Variants in PATJ observed in about 807,000 individuals in gnomAD.
The protein encoded by PATJ is inaD-like protein.
In PATJ, 190 loss-of-function variants were observed where a neutral mutation model predicts 224.9. That is an observed-to-expected ratio of 0.84 (90% CI 0.75 to 0.95). The LOEUF (loss-of-function observed/expected upper bound fraction) is 0.95, where lower values mean the gene tolerates loss of function less well. Among genes scored for constraint, PATJ ranks in the 40% least tolerant of loss-of-function variants. The pLI, the probability that PATJ is intolerant of heterozygous loss-of-function variation, is 0.00. For synonymous variants in PATJ, 769 were observed against 820.3 expected (o/e 0.94, Z 1.07); for missense variants, 2,121 against 2,270.3 (o/e 0.93, Z 1.34).
intron 1 of PATJ, among the ~76,000 whole-genome samples, chr1:61,755,476 CT>C (rs1223461725): frequency 1.3e-5 from 2 of 152,028 alleles, no homozygotes; most frequent in East Asian, 1.9e-4. Flanking sequence ...CACATTTTTA[CT>C]GATGGGAATG....
chr1:62,104,014 A>G (rs1310816811), intron 33 of PATJ, among the ~76,000 whole-genome samples: 7 of 152,020 alleles, frequency 4.6e-5, no homozygotes, highest in Non-Finnish European at 1.0e-4. Context: ...CCACCTGCAG[A>G]GTGGGTTGAT....
chr1:61,979,415 G>T (rs1249601012), intron 27 of PATJ, among the ~76,000 whole-genome samples: 1 of 152,046 alleles, frequency 6.6e-6, no homozygotes, highest in Non-Finnish European at 1.5e-5. Context: ...AGCACTTTGG[G>T]AGGCCAAGGT....
intron 26 of PATJ, among the ~76,000 whole-genome samples, chr1:61,921,110 T>C (rs1674269032): frequency 6.6e-6 from 1 of 152,180 alleles, no homozygotes; most frequent in African/African-American, 2.4e-5. Context: ...TATTTTGGTT[T>C]GTTTATTTTT....
chr1:62,035,882 A>G (rs1485815943), intron 29 of PATJ, among the ~76,000 whole-genome samples: 2 of 152,162 alleles, frequency 1.3e-5, no homozygotes, highest in African/African-American at 4.8e-5. Context: ...AATGACGTTT[A>G]TGATGAGCTG....
At chr1:61,905,207 G>A (rs1671698214) in intron 24 of PATJ, among the ~76,000 whole-genome samples, 1 of 152,254 alleles carries the variant, frequency 6.6e-6, no homozygotes, top group Admixed American at 6.5e-5. Flanking sequence ...TTCAGTGTCT[G>A]GTGTGGACCT....
At chr1:61,855,687 T>C (rs1163099708) in intron 17 of PATJ, among the ~76,000 whole-genome samples, 1 of 152,204 alleles carries the variant, frequency 6.6e-6, no homozygotes, top group African/African-American at 2.4e-5. Context: ...GTGCTGGGAT[T>C]ACAGGCATGA....
intron 32 of PATJ, among the ~76,000 whole-genome samples, chr1:62,080,190 C>T (rs369365633): frequency 1.3e-5 from 2 of 152,180 alleles, no homozygotes; most frequent in African/African-American, 4.8e-5. Flanking sequence ...GCAAATGTTG[C>T]TTTAAGCTGT....
chr1:61,921,698 T>A (rs1432033087), intron 26 of PATJ, among the ~76,000 whole-genome samples: 1 of 151,982 alleles, frequency 6.6e-6, no homozygotes, highest in African/African-American at 2.4e-5. Flanking sequence ...GTGTAGATAC[T>A]GGATGATTAT....
intron 22 of PATJ, among the ~76,000 whole-genome samples, chr1:61,890,158 A>G (rs1669401255): frequency 6.6e-6 from 1 of 152,172 alleles, no homozygotes; most frequent in South Asian, 2.1e-4. Flanking sequence ...TGTCACCCGT[A>G]AAGTAGGTAG....
At chr1:62,121,354 A>AG in intron 38 of PATJ, 59 bp downstream of exon 38, 1 of 1,099,836 alleles carries the variant, frequency 9.1e-7, no homozygotes, top group South Asian at 1.4e-5. Context: ...AAAAAAAAAA[A>AG]TGTGTTTTTT....
At position 61,807,556 on chromosome 1, in the gene PATJ, A is replaced by G. The variant is rs115593399; in HGVS notation, c.1627-918A>G. ...ATGGTGAGGTCATAACAGACAAATT[A>G]TAAAGAGGAGACAGAATTTGAAGTT... On this transcript the variant is annotated intron_variant, in intron 13 of 43. Coordinates refer to ENST00000642238, the MANE Select transcript of PATJ (RefSeq NM_001350145.3). Among the ~76,000 whole-genome samples, 1,440 of 152,342 alleles carry G rather than the reference A, an allele frequency of 9.5e-3. 24 individuals carry two copies. The highest frequency in any genetic ancestry group is 0.033 in the African/African-American group (1,386 of 41,574).
intron 14 of PATJ, among the ~76,000 whole-genome samples, chr1:61,819,617 TG>T (rs908625156): frequency 2.1e-5 from 3 of 140,156 alleles, no homozygotes; most frequent in Non-Finnish European, 4.7e-5. Flanking sequence ...CAGGCGGCGG[TG>T]GGGGGGCGCG....
chr1:62,095,687 TG>T (rs956780390), intron 33 of PATJ, among the ~76,000 whole-genome samples: 2 of 152,218 alleles, frequency 1.3e-5, no homozygotes, highest in African/African-American at 4.8e-5. Context: ...AGTTTTTTTT[TG>T]TAAAGTATCA....
chr1:61,919,990 A>G (rs1321400592), intron 26 of PATJ, among the ~76,000 whole-genome samples: 2 of 152,154 alleles, frequency 1.3e-5, no homozygotes, highest in Non-Finnish European at 2.9e-5. Context: ...AGATCAAACT[A>G]ACTATTTGAG....
intron 33 of PATJ, among the ~76,000 whole-genome samples, chr1:62,106,059 A>ATAT (rs1341448123): frequency 1.2e-4 from 5 of 41,172 alleles, no homozygotes; most frequent in African/African-American, 4.6e-4. Flanking sequence ...AAAAAAAAAA[A>ATAT]AAAAATATAT....
chr1:61,943,584 G>A (rs922923775), intron 27 of PATJ, among the ~76,000 whole-genome samples: 4 of 152,154 alleles, frequency 2.6e-5, no homozygotes, highest in Non-Finnish European at 4.4e-5. Flanking sequence ...TGAAGCCGCC[G>A]GGAAGCTGGA....
At chr1:61,964,814 G>A (rs1447465087) in intron 27 of PATJ, among the ~76,000 whole-genome samples, 1 of 151,586 alleles carries the variant, frequency 6.6e-6, no homozygotes, top group Non-Finnish European at 1.5e-5. Context: ...AATAAAAAAG[G>A]TATTTAAATC....
intron 33 of PATJ, among the ~76,000 whole-genome samples, chr1:62,096,648 C>G (rs1217162501): frequency 6.6e-6 from 1 of 152,146 alleles, no homozygotes; most frequent in Non-Finnish European, 1.5e-5. Context: ...ATTTTGATCA[C>G]TTTGTCACCC....
chr1:62,019,895 G>A (rs1028753624), intron 29 of PATJ, among the ~76,000 whole-genome samples: 2 of 152,164 alleles, frequency 1.3e-5, no homozygotes, highest in African/African-American at 4.8e-5. Flanking sequence ...GGGGCCAGGC[G>A]CGGTGGCTTG....
Sources: allele counts gnomAD v4.1 joint callset (sites outside exome capture counted in the v4.1 genomes callset), GRCh38; gene constraint gnomAD v4.1.1; transcripts MANE v1.5; gene names NCBI Gene and HGNC (gene_info 2026-07-23, HGNC 2026-07-21).